ANKS4B: variants seen among roughly 807,000 people sequenced by gnomAD.
ANKS4B encodes the protein ankyrin repeat and SAM domain-containing protein 4B.
Under a neutral mutation model 20.2 loss-of-function variants are expected in ANKS4B, and 21 were observed. The ratio of observed to expected loss-of-function variants is 1.04; its 90% CI spans 0.74 to 1.50. ANKS4B has a LOEUF of 1.50. Ranked by LOEUF, ANKS4B falls within the 40% of genes most tolerant of loss-of-function variation. The probability of loss-of-function intolerance (pLI) is 0.00; values close to 1 mark genes in which losing one functional copy is unlikely to be tolerated. For missense variants in ANKS4B, 473 were observed against 494.6 expected (o/e 0.96, Z 0.41); for synonymous variants, 179 against 194.5 (o/e 0.92, Z 0.66).
chr16:21,246,860 T>C (rs1487328216), intron 1 of ANKS4B, among the ~76,000 whole-genome samples: 1 of 152,214 alleles, frequency 6.6e-6, no homozygotes, highest in Non-Finnish European at 1.5e-5. Flanking sequence ...AAGTGCTTCT[T>C]TGTAACTAAC....
chr16:21,248,663 GA>G (rs1470514856), intron 1 of ANKS4B, among the ~76,000 whole-genome samples: 2 of 151,968 alleles, frequency 1.3e-5, no homozygotes, highest in African/African-American at 4.8e-5. Flanking sequence ...CTGGGAGGTG[GA>G]GGTTGCAGTC....
intron 1 of ANKS4B, among the ~76,000 whole-genome samples, chr16:21,241,673 A>C (rs1198451200): frequency 6.6e-6 from 1 of 152,152 alleles, no homozygotes; most frequent in East Asian, 1.9e-4. Context: ...TGGCCTCCCA[A>C]AGTGCTAGGA....
At chr16:21,249,695 T>C (rs537428019) in intron 1 of ANKS4B, 36 bp from the exon 2 acceptor site, 2 of 1,547,170 alleles carry the variant, frequency 1.3e-6, no homozygotes, top group East Asian at 2.3e-5. Flanking sequence ...AGAAAAAAAG[T>C]CCAACATGTA....
chr16:21,239,286 C>T (rs1414364321), intron 1 of ANKS4B, among the ~76,000 whole-genome samples: 1 of 152,082 alleles, frequency 6.6e-6, no homozygotes, highest in Non-Finnish European at 1.5e-5. Context: ...TGAATCCTTC[C>T]ACAATAAAGA....
intron 1 of ANKS4B, among the ~76,000 whole-genome samples, chr16:21,239,104 A>T (rs1339574667): frequency 1.3e-5 from 2 of 152,264 alleles, no homozygotes; most frequent in Non-Finnish European, 2.9e-5. Context: ...ACATCAAAAA[A>T]TAACAGATGC....
intron 1 of ANKS4B, among the ~76,000 whole-genome samples, chr16:21,248,875 G>T (rs546441880): frequency 1.3e-5 from 2 of 152,294 alleles, no homozygotes; most frequent in East Asian, 3.9e-4. Context: ...GGGGGAAATA[G>T]TTGATAATGG....
chr16:21,236,175 A>T (rs2078557), intron 1 of ANKS4B, among the ~76,000 whole-genome samples: 50,271 of 151,920 alleles, frequency 0.33, 11,139 homozygotes, highest in African/African-American at 0.63. Context: ...GGCATCTCAC[A>T]TGGCAGAAGC....
At chr16:21,245,949 A>G (rs1352525443) in intron 1 of ANKS4B, among the ~76,000 whole-genome samples, 3 of 152,226 alleles carry the variant, frequency 2.0e-5, no homozygotes, top group Non-Finnish European at 2.9e-5. Flanking sequence ...ATGTAGATTA[A>G]TTTATTTAAT....
intron 1 of ANKS4B, among the ~76,000 whole-genome samples, chr16:21,247,028 C>A (rs1597606715): frequency 6.6e-6 from 1 of 151,024 alleles, no homozygotes; most frequent in African/African-American, 2.4e-5. Flanking sequence ...GATTCTGATT[C>A]AATAGGTCTG....
Position 21,237,166 on chromosome 16 carries a change from G to A in ANKS4B, c.164+3265G>A, listed in dbSNP as rs1411917425. Among the ~76,000 whole-genome samples, 6 of 152,126 alleles carry A rather than the reference G, an allele frequency of 3.9e-5. No homozygotes were observed. The East Asian group carries it at 9.7e-4, about 25-fold the overall frequency. On this transcript the variant is annotated intron_variant, in intron 1 of 1. Transcript: ENST00000311620. ...CTCCTAAGTAGCTGGGTCTACAGGC[G>A]TGCACTACCACGCCGGGCTAATTTT...
chr16:21,253,849 TATAAG>T (rs1195390037), exon 2 of ANKS4B: 2 of 152,342 alleles, frequency 1.3e-5, no homozygotes, highest in East Asian at 1.9e-4. Flanking sequence ...TATACCATGT[TATAAG>T]ATGTTATCAA....
chr16:21,249,713 TC>T lies in ANKS4B; in HGVS notation c.165-17del. On this transcript the variant is annotated splice_polypyrimidine_tract_variant and intron_variant, in intron 1 of 1. Transcript: ENST00000311620. ...AAAAAAGTCCAACATGTATTTTTTT[TC>T]TCTCTCTCTCTTCTAGAGGGGACCC... The T allele has an allele frequency of 2.7e-6, 4 of 1,459,004 alleles. No homozygotes were observed. The highest frequency in any genetic ancestry group is 1.4e-5 in the African/African-American group (1 of 70,628). The allele number at this position is 1,459,004 out of a possible 1,614,324, so 90.4% of individuals were successfully genotyped here.
Position 21,250,384 on chromosome 16 carries a change from G to A in ANKS4B, c.818G>A (p.Ser273Asn), listed in dbSNP as rs2093337673. ...ATTCTCAATCGTCCAGGTCTAGGAAGTATTGTTTTTAGAAGGAACAGGATA... is the reference window on the plus strand; with the variant it reads ...ATTCTCAATCGTCCAGGTCTAGGAAATATTGTTTTTAGAAGGAACAGGATA... ...ESILNRPGLG[S>N]IVFRRNRISS... The change falls in exon 2 of 2, where the codon AGT (serine) becomes AAT (asparagine). Residue 273 changes from serine to asparagine, a missense_variant. Transcript: ENST00000311620. 6.2e-7 allele frequency: 1 copy of A among 1,614,220 alleles called. No individual in the cohort carries two copies. Among genetic ancestry groups the A allele is most frequent in the Non-Finnish European group, 8.5e-7 (1 of 1,180,052 alleles).
intron 1 of ANKS4B, among the ~76,000 whole-genome samples, chr16:21,234,739 A>G (rs1316675000): frequency 1.3e-5 from 2 of 152,158 alleles, no homozygotes; most frequent in Non-Finnish European, 2.9e-5. Context: ...GATAAGAGAT[A>G]TTTTGCTAGC....
At chr16:21,241,548 G>T (rs938561706) in intron 1 of ANKS4B, among the ~76,000 whole-genome samples, 3 of 152,034 alleles carry the variant, frequency 2.0e-5, no homozygotes, top group African/African-American at 7.3e-5. Context: ...AGTAGCTGGG[G>T]TTACAGGCAC....
Position 21,250,720 on chromosome 16 carries a change from T to C in ANKS4B, c.1154T>C (p.Ile385Thr), listed in dbSNP as rs1597608408. Residue 385 changes from isoleucine (I) to threonine (T), a missense_variant, in exon 2 of 2, where the codon ATA (isoleucine) becomes ACA (threonine). Coordinates refer to ENST00000311620, the MANE Select transcript of ANKS4B (RefSeq NM_145865.3). ...LLCSDEDLQS[I>T]QMQLGPRKKV... is the part of the protein sequence containing the mutation. The stretch of plus-strand genomic sequence containing the variant: ...TGCTCTGATGAGGACCTTCAGAGCA[T>C]ACAAATGCAGCTGGGTCCCAGGAAG... 1 of 1,610,412 alleles carries C rather than the reference T, an allele frequency of 6.2e-7. No homozygotes were observed. The highest frequency in any genetic ancestry group is 8.5e-7 in the Non-Finnish European group (1 of 1,176,824).
rs1464853326 is a variant in ANKS4B at position 21,250,632 on chromosome 16, C to T, written c.1066C>T (p.His356Tyr). ...TPLEVFLLSQHLEEFLPIFKR... is the reference protein window; with the variant it reads ...TPLEVFLLSQYLEEFLPIFKR... Reference sequence around the variant, plus strand: ...CCTGGAAGTGTTCTTGCTGTCTCAGCACCTGGAAGAATTCCTGCCTATCTT... The same window carrying T: ...CCTGGAAGTGTTCTTGCTGTCTCAGTACCTGGAAGAATTCCTGCCTATCTT... The change falls in exon 2 of 2, where the codon CAC becomes TAC. Residue 356 changes from histidine to tyrosine, a missense_variant. Coordinates refer to ENST00000311620, the MANE Select transcript of ANKS4B (RefSeq NM_145865.3). The T allele has an allele frequency of 6.2e-7, 1 of 1,614,000 alleles. No homozygotes were observed. The highest frequency in any genetic ancestry group is 8.5e-7 in the Non-Finnish European group (1 of 1,179,892).
chr16:21,245,019 C>T (rs972027128), intron 1 of ANKS4B, among the ~76,000 whole-genome samples: 31 of 152,212 alleles, frequency 2.0e-4, no homozygotes, highest in African/African-American at 7.0e-4. Context: ...ACTGTTCTCT[C>T]TGCTCAGAAG....
chr16:21,250,267 T>G lies in ANKS4B; in HGVS notation c.701T>G (p.Phe234Cys). 1.9e-6 allele frequency: 3 copies of G among 1,614,070 alleles called. No homozygotes were observed. Among genetic ancestry groups the G allele is most frequent in the Non-Finnish European group, 2.5e-6 (3 of 1,180,026 alleles). The change falls in exon 2 of 2, where the codon TTC becomes TGC. Residue 234 changes from phenylalanine to cysteine, a missense_variant. By Grantham distance (205) the Phe-to-Cys change is radical (BLOSUM62 -2). Coordinates refer to ENST00000311620, the MANE Select transcript of ANKS4B (RefSeq NM_145865.3). The part of the protein sequence containing the change: ...RSGQRNVMEV[F>C]REEEEDSFSG... ...GGGCAGAGGAACGTGATGGAAGTGT[T>G]CAGAGAGGAAGAGGAAGACTCGTTC... is the stretch of plus-strand genomic sequence containing the variant.
Sources: allele counts gnomAD v4.1 joint callset (sites outside exome capture counted in the v4.1 genomes callset), GRCh38; gene constraint gnomAD v4.1.1; transcripts MANE v1.5; gene names NCBI Gene and HGNC (gene_info 2026-07-23, HGNC 2026-07-21).